Variants in DBT observed in about 807,000 individuals in gnomAD.
DBT encodes the protein dihydrolipoamide branched chain transacylase E2.
In DBT, 40 loss-of-function variants were observed where a neutral mutation model predicts 51.3. The ratio of observed to expected loss-of-function variants is 0.78; its 90% CI spans 0.61 to 1.02. The LOEUF is 1.02. Ranked by LOEUF, DBT falls within the 50% of genes least tolerant of loss-of-function variation. DBT has a pLI of 0.00. For synonymous variants in DBT, 181 were observed against 190.4 expected (o/e 0.95, Z 0.41); for missense variants, 510 against 580.2 (o/e 0.88, Z 1.24).
rs560639230 is a variant in DBT, at chr1:100,189,493, T to C, written c.*6762A>G. 3 of 152,342 alleles carry C rather than the reference T, an allele frequency of 2.0e-5. No individual in the cohort carries two copies. In the South Asian group the frequency reaches 6.2e-4, roughly 32 times the overall value. 9.4% of individuals were successfully genotyped at this position (152,342 alleles called of 1,614,324 possible). On this transcript the variant is annotated 3_prime_UTR_variant, in exon 11 of 11. Coordinates refer to ENST00000370132, the MANE Select transcript of DBT (RefSeq NM_001918.5). ...GATGTCACTGAGTCATTTGATGACC[T>C]TGAAATGCTAAAGCATTGGAATGAA...
chr1:100,230,856 C>T lies in DBT; in HGVS notation c.310G>A (p.Asp104Asn), dbSNP rs748041756. 6.2e-7 allele frequency: 1 copy of T among 1,608,424 alleles called. No individual in the cohort carries two copies. Among genetic ancestry groups the T allele is most frequent in the South Asian group, 1.1e-5 (1 of 90,952 alleles). The change falls in exon 4 of 11, where the codon GAT (aspartate) becomes AAT (asparagine). Residue 104 changes from aspartate to asparagine, a missense_variant. Asp to Asn is a conservative substitution (Grantham distance 23). Coordinates refer to ENST00000370132, the MANE Select transcript of DBT (RefSeq NM_001918.5). Reference protein sequence around the residue: ...QFDSICEVQSDKASVTITSRY... With the variant: ...QFDSICEVQSNKASVTITSRY... Reference sequence around the variant, plus strand: ...CTAGTGATGGTAACAGAAGCTTTATCACTTTGAACTTCACAGATGCTATCA... The same window carrying T: ...CTAGTGATGGTAACAGAAGCTTTATTACTTTGAACTTCACAGATGCTATCA...
chr1:100,226,734 T>C (rs1174904969), intron 4 of DBT, among the ~76,000 whole-genome samples: 1 of 152,106 alleles, frequency 6.6e-6, no homozygotes, highest in Admixed American at 6.6e-5. Context: ...GTGGGAAAAG[T>C]ATGAGGTGAA....
chr1:100,218,947 G>A (rs1662666952), intron 4 of DBT, among the ~76,000 whole-genome samples, 200 bp from the exon 5 acceptor site: 1 of 151,378 alleles, frequency 6.6e-6, no homozygotes, highest in African/African-American at 2.4e-5. Context: ...GGGGGGGTGT[G>A]TGCCGGTACC....
intron 4 of DBT, among the ~76,000 whole-genome samples, chr1:100,228,540 C>G (rs1009880127): frequency 2.6e-5 from 4 of 152,188 alleles, no homozygotes; most frequent in Non-Finnish European, 5.9e-5. Context: ...CAGCAGATCA[C>G]TTGAGGTCAG....
chr1:100,244,671 C>G (rs914923692), intron 1 of DBT, among the ~76,000 whole-genome samples: 2 of 151,912 alleles, frequency 1.3e-5, no homozygotes, highest in South Asian at 4.2e-4. Flanking sequence ...ATATACATAC[C>G]TATGATAAAG....
chr1:100,193,391 C>T lies in DBT; in HGVS notation c.*2864G>A, dbSNP rs1009944021. 1.3e-5 allele frequency: 2 copies of T among 152,064 alleles called. No individual in the cohort carries two copies. The highest frequency in any genetic ancestry group is 4.8e-5 in the African/African-American group (2 of 41,404). 9.4% of individuals were successfully genotyped at this position (152,064 alleles called of 1,614,324 possible). On this transcript the variant is annotated 3_prime_UTR_variant, in exon 11 of 11. Coordinates refer to ENST00000370132, the MANE Select transcript of DBT (RefSeq NM_001918.5). ...TGATCCTTCCAGATAAGATCGGTAA[C>T]CTTTACTGGATGGCTCATAGCATCT...
At chr1:100,219,610 C>T (rs888657963) in intron 4 of DBT, among the ~76,000 whole-genome samples, 8 of 151,592 alleles carry the variant, frequency 5.3e-5, no homozygotes, top group East Asian at 2.0e-4. Context: ...TAGCTAGGTA[C>T]GATAGCACAC....
intron 4 of DBT, among the ~76,000 whole-genome samples, chr1:100,219,085 C>T (rs1320278915): frequency 1.3e-5 from 2 of 152,136 alleles, no homozygotes; most frequent in African/African-American, 4.8e-5. Flanking sequence ...GGTACAGTGG[C>T]TCACGCCTGC....
At chr1:100,205,346 A>G (rs1264054000) in intron 10 of DBT, among the ~76,000 whole-genome samples, 2 of 152,236 alleles carry the variant, frequency 1.3e-5, no homozygotes, top group South Asian at 4.1e-4. Context: ...CAACAAACAT[A>G]TGAAAAAAAG....
At position 100,194,148 on chromosome 1, in the gene DBT, T is replaced by G. The variant is rs1426943412; in HGVS notation, c.*2107A>C. ...ATCTGAAATTTTACAACAACAGCAT[T>G]TATTTGACCTGTTTTTTTTATTTTA... On this transcript the variant is annotated 3_prime_UTR_variant, in exon 11 of 11. Coordinates refer to ENST00000370132, the MANE Select transcript of DBT (RefSeq NM_001918.5). The G allele has an allele frequency of 6.6e-6, 1 of 152,126 alleles. No individual in the cohort carries two copies. Among genetic ancestry groups the G allele is most frequent in the East Asian group, 1.9e-4 (1 of 5,200 alleles). The allele number at this position is 152,126 out of a possible 1,614,324, so 9.4% of individuals were successfully genotyped here.
chr1:100,198,112 A>T (rs1661210618), intron 10 of DBT, among the ~76,000 whole-genome samples: 1 of 152,248 alleles, frequency 6.6e-6, no homozygotes, highest in Non-Finnish European at 1.5e-5. Context: ...AAAAATCCAA[A>T]TATTCATTGA....
chr1:100,241,664 T>C (rs1391757796), intron 1 of DBT, among the ~76,000 whole-genome samples: 3 of 152,174 alleles, frequency 2.0e-5, no homozygotes, highest in Non-Finnish European at 4.4e-5. Flanking sequence ...CCCAAAGTGC[T>C]AGAATTACAG....
chr1:100,234,515 T>C (rs748079079), intron 3 of DBT, among the ~76,000 whole-genome samples: 8 of 152,088 alleles, frequency 5.3e-5, no homozygotes, highest in Non-Finnish European at 8.8e-5. Context: ...GATTTTTTAC[T>C]ACTGTCTTGG....
chr1:100,189,015 A>G lies in DBT; in HGVS notation c.*7240T>C, dbSNP rs1000201560. On this transcript the variant is annotated 3_prime_UTR_variant, in exon 11 of 11. Coordinates refer to ENST00000370132, the MANE Select transcript of DBT (RefSeq NM_001918.5). ...AACATCAGAGATTCGTGCTATCTTC[A>G]GTGTTTAAGTGGTAATGCCTTTTGT... 6.6e-6 allele frequency: 1 copy of G among 152,126 alleles called. No homozygotes were observed. Among genetic ancestry groups the G allele is most frequent in the African/African-American group, 2.4e-5 (1 of 41,416 alleles). 9.4% of individuals were successfully genotyped at this position (152,126 alleles called of 1,614,324 possible). A position where few individuals can be genotyped will look rare whatever the true frequency, so the allele number is the denominator to read the frequency against.
intron 4 of DBT, among the ~76,000 whole-genome samples, chr1:100,220,333 G>A (rs1662778407): frequency 3.9e-5 from 6 of 152,164 alleles, no homozygotes; most frequent in Admixed American, 3.9e-4. Flanking sequence ...AATCAGTGAT[G>A]TATACATATA....
At chr1:100,219,273 G>A (rs2100805940) in intron 4 of DBT, among the ~76,000 whole-genome samples, 1 of 152,110 alleles carries the variant, frequency 6.6e-6, no homozygotes. Context: ...GATTGCTTGA[G>A]CCCAGGAGGT....
At chr1:100,221,908 A>C (rs896093089) in intron 4 of DBT, among the ~76,000 whole-genome samples, 5 of 152,182 alleles carry the variant, frequency 3.3e-5, no homozygotes, top group African/African-American at 1.2e-4. Context: ...TAATCCCCTT[A>C]ATTCACTCAG....
chr1:100,218,702 T>C lies in DBT; in HGVS notation c.479A>G (p.Glu160Gly), dbSNP rs995821115. The change falls in exon 5 of 11, where the codon GAA (glutamate) becomes GGA (glycine). Residue 160 changes from glutamate (E) to glycine (G), a missense_variant. Glu to Gly is a moderately conservative substitution (Grantham distance 98). Transcript: ENST00000370132. Reference sequence around the variant, plus strand: ...GCCCTTTATCTCTTGGTGTGTATGTTCATCATGAGACACTGCAGGAGTTTC... The same window carrying C: ...GCCCTTTATCTCTTGGTGTGTATGTCCATCATGAGACACTGCAGGAGTTTC... ...VVETPAVSHD[E>G]HTHQEIKGRK... 1.2e-6 allele frequency: 2 copies of C among 1,613,918 alleles called. No homozygotes were observed. The highest frequency in any genetic ancestry group is 3.3e-5 in the Admixed American group (2 of 60,012).
chr1:100,235,638 A>C, intron 2 of DBT, 127 bp from the exon 3 acceptor site: 1 of 590,200 alleles, frequency 1.7e-6, no homozygotes, highest in Non-Finnish European at 3.1e-6. Flanking sequence ...AGACAGAAAA[A>C]CAGCATTTTA....
Sources: allele counts gnomAD v4.1 joint callset (sites outside exome capture counted in the v4.1 genomes callset), GRCh38; gene constraint gnomAD v4.1.1; transcripts MANE v1.5; gene names NCBI Gene and HGNC (gene_info 2026-07-23, HGNC 2026-07-21).